Variants in PPEF1 observed in about 807,000 individuals in gnomAD.
The protein encoded by PPEF1 is serine/threonine-protein phosphatase with EF-hands 1.
A neutral mutation model predicts 53.3 loss-of-function variants in PPEF1; 12 were observed. The ratio of observed to expected loss-of-function variants is 0.23; its 90% CI spans 0.14 to 0.36. The LOEUF is 0.36. Among genes scored for constraint, PPEF1 ranks in the 10% least tolerant of loss-of-function variants. The pLI, the probability that PPEF1 is intolerant of heterozygous loss-of-function variation, is 1.00. For missense variants in PPEF1, 334 were observed against 490.4 expected, an observed-to-expected ratio of 0.68 and a Z score of 3.01; for synonymous variants, 165 against 176.7, an observed-to-expected ratio of 0.93 and a Z score of 0.52.
intron 3 of PPEF1, among the ~76,000 whole-genome samples, chrX:18,741,665 C>G (rs961068913): frequency 1.8e-5 from 2 of 109,979 alleles, no homozygotes; most frequent in Non-Finnish European, 3.8e-5. Flanking sequence ...AACCCCCACA[C>G]AATCACATAA....
chrX:18,792,702 C>T (rs1454637230), intron 10 of PPEF1, among the ~76,000 whole-genome samples: 6 of 111,354 alleles, frequency 5.4e-5, no homozygotes, highest in Non-Finnish European at 1.1e-4. Flanking sequence ...TGGAGGGTGT[C>T]CAGGTTCTTG....
chrX:18,740,206 C>T lies in PPEF1; in HGVS notation c.235+6398C>T, dbSNP rs374041182. On this transcript the variant is annotated intron_variant, in intron 3 of 15. Coordinates refer to ENST00000470157, the MANE Select transcript of PPEF1 (RefSeq NM_001377996.1). Reference sequence around the variant, plus strand: ...AAATACAGAAATCACCTGTCTTCTGCGTCGCTGACGCTGGGAGCTGTAGAC... The same window carrying T: ...AAATACAGAAATCACCTGTCTTCTGTGTCGCTGACGCTGGGAGCTGTAGAC... 8.9e-5 allele frequency among the ~76,000 whole-genome samples: 10 copies of T among 112,275 alleles called. No homozygotes were observed. In the East Asian group the frequency reaches 1.7e-3, roughly 19 times the overall value.
At chrX:18,788,228 C>G (rs1284437822) in intron 9 of PPEF1, among the ~76,000 whole-genome samples, 2 of 102,033 alleles carry the variant, frequency 2.0e-5, no homozygotes, top group African/African-American at 3.7e-5. Flanking sequence ...TGGCGTGAAC[C>G]CGGGAGGCGG....
At chrX:18,675,139 C>G (rs1296908428), upstream of PPEF1, among the ~76,000 whole-genome samples, 5 of 113,116 alleles carry the variant, frequency 4.4e-5, no homozygotes, top group African/African-American at 1.6e-4. Flanking sequence ...GGCTTGTCTT[C>G]CCTGCCCGCC....
At chrX:18,749,681 A>G (rs2045399502) in intron 3 of PPEF1, 111 bp from the exon 4 acceptor site, 3 of 534,195 alleles carry the variant, frequency 5.6e-6, no homozygotes, top group Admixed American at 6.9e-5. Flanking sequence ...AACATTTAGC[A>G]CAGTGCCTTA....
In PPEF1 at chrX:18,730,354, T is replaced by C. The variant is rs2044808338; in HGVS notation, c.174+46T>C. Reference sequence around the variant, plus strand: ...TCTTCTTTTGATAAAATGATTCTCTTTACCCCTTGTTATTGAAAGAATGAA... The same window carrying C: ...TCTTCTTTTGATAAAATGATTCTCTCTACCCCTTGTTATTGAAAGAATGAA... On this transcript the variant is annotated intron_variant, in intron 2 of 15. Coordinates refer to ENST00000470157, the MANE Select transcript of PPEF1 (RefSeq NM_001377996.1). 3.4e-6 allele frequency: 4 copies of C among 1,168,941 alleles called. No homozygotes were observed. In the East Asian group the frequency reaches 9.1e-5, roughly 26 times the overall value.
chrX:18,755,258 T>TTATTTA (rs2045523447), intron 4 of PPEF1, among the ~76,000 whole-genome samples: 1 of 111,805 alleles, frequency 8.9e-6, no homozygotes, highest in South Asian at 3.7e-4. Context: ...GTAAAAGTGA[T>TTATTTA]CATTTAAATC....
intron 5 of PPEF1, chrX:18,700,292 GT>G: frequency 9.8e-6 from 1 of 101,568 alleles, no homozygotes; most frequent in Admixed American, 1.1e-4. Flanking sequence ...TTTGTGTGGG[GT>G]GCTTCAGAGA....
At chrX:18,785,359 T>A (rs1386939944) in intron 9 of PPEF1, among the ~76,000 whole-genome samples, 1 of 111,647 alleles carries the variant, frequency 9.0e-6, no homozygotes, top group East Asian at 2.8e-4. Context: ...GCACCTGGGA[T>A]GTAGTAAGTA....
At chrX:18,817,591 C>T (rs1038738052) in intron 12 of PPEF1, among the ~76,000 whole-genome samples, 6 of 111,210 alleles carry the variant, frequency 5.4e-5, no homozygotes, top group African/African-American at 1.3e-4. Context: ...CCACCCGCCT[C>T]GGCCTCCCAA....
At chrX:18,791,497 T>A (rs1435495229) in intron 10 of PPEF1, among the ~76,000 whole-genome samples, 1 of 112,343 alleles carries the variant, frequency 8.9e-6, no homozygotes, top group Admixed American at 9.5e-5. Flanking sequence ...GATTGTTCAT[T>A]GCTAGTGTAT....
chrX:18,706,813 ACCT>A (rs1193495148), upstream of PPEF1, among the ~76,000 whole-genome samples: 2 of 91,021 alleles, frequency 2.2e-5, no homozygotes, highest in Non-Finnish European at 4.4e-5. Flanking sequence ...GAGGTTTCAA[ACCT>A]CCTTTTTTTT....
At chrX:18,688,408 A>G (rs1243887085) in intron 3 of PPEF1, among the ~76,000 whole-genome samples, 1 of 112,761 alleles carries the variant, frequency 8.9e-6, no homozygotes, top group Non-Finnish European at 1.9e-5. Flanking sequence ...TTAGTTACAA[A>G]TAGCTCTTAT....
chrX:18,821,758 C>CGA (rs754652406), intron 13 of PPEF1, among the ~76,000 whole-genome samples: 737 of 28,606 alleles, frequency 0.026, 12 homozygotes, highest in East Asian at 0.056. Flanking sequence ...GAAACCATGG[C>CGA]GAGAGAGAGA....
intron 3 of PPEF1, among the ~76,000 whole-genome samples, chrX:18,738,079 A>C (rs1351371295): frequency 9.0e-6 from 1 of 110,520 alleles, no homozygotes; most frequent in African/African-American, 3.3e-5. Flanking sequence ...TCTTTATCCA[A>C]TTTGCCAGTC....
At chrX:18,733,116 G>A (rs950015624) in intron 2 of PPEF1, among the ~76,000 whole-genome samples, 1 of 111,665 alleles carries the variant, frequency 9.0e-6, no homozygotes, top group Non-Finnish European at 1.9e-5. Flanking sequence ...TGAGGCAGGA[G>A]AATCGCTTGA....
intron 13 of PPEF1, among the ~76,000 whole-genome samples, chrX:18,821,646 A>G (rs2047049050): frequency 9.1e-6 from 1 of 110,487 alleles, no homozygotes; most frequent in South Asian, 3.8e-4. Context: ...TCTTGGCCTT[A>G]GGTGATCCAC....
At chrX:18,802,117 G>A (rs1413305625) in intron 10 of PPEF1, among the ~76,000 whole-genome samples, 1 of 111,404 alleles carries the variant, frequency 9.0e-6, no homozygotes, top group Non-Finnish European at 1.9e-5. Context: ...CGAGGCCACA[G>A]TGCAGTGGCA....
At chrX:18,781,882 G>A (rs772701619) in intron 7 of PPEF1, among the ~76,000 whole-genome samples, 1 of 111,180 alleles carries the variant, frequency 9.0e-6, no homozygotes, top group South Asian at 3.8e-4. Flanking sequence ...GTATCAGAGA[G>A]AGCATAACAA....
Sources: allele counts gnomAD v4.1 joint callset (sites outside exome capture counted in the v4.1 genomes callset), GRCh38; gene constraint gnomAD v4.1.1; transcripts MANE v1.5; gene names NCBI Gene and HGNC (gene_info 2026-07-23, HGNC 2026-07-21).